ACTN1: variants seen among roughly 807,000 people sequenced by gnomAD.
The protein encoded by ACTN1 is alpha-actinin-1.
ACTN1 carries 30 observed loss-of-function variants against 119.6 expected under a neutral mutation model. The observed-to-expected ratio is 0.25, with a 90% confidence interval of 0.19 to 0.34. The LOEUF is 0.34. ACTN1 is among the 10% of genes least tolerant of loss of function. ACTN1 has a pLI of 1.00. For missense variants in ACTN1, 764 were observed against 1,223.4 expected, an observed-to-expected ratio of 0.62 and a Z score of 5.60; for synonymous variants, 429 against 472.6, an observed-to-expected ratio of 0.91 and a Z score of 1.20.
chr14:68,896,475 C>G (rs374085163), intron 8 of ACTN1, among the ~76,000 whole-genome samples: 1 of 152,162 alleles, frequency 6.6e-6, no homozygotes, highest in Non-Finnish European at 1.5e-5. Context: ...CAGGCCTTCC[C>G]CATCACCGCA....
Position 68,882,377 on chromosome 14 carries a change from A to C in ACTN1, c.1953+81T>G. ...AGTCCTCCATGGGTCCCACCCAGGG[A>C]GACAGGCAGCCTGGCTGGCTAGGAT... On this transcript the variant is annotated intron_variant, in intron 16 of 21. Transcript: ENST00000394419. This position sits in a 1 kb window ranked among gnomAD's most constrained non-coding sequence, Gnocchi z 4.5. 1 of 1,555,566 alleles carries C rather than the reference A, an allele frequency of 6.4e-7. No homozygotes were observed. Among genetic ancestry groups the C allele is most frequent in the African/African-American group, 1.4e-5 (1 of 73,010 alleles).
chr14:68,974,015 A>T (rs908389193), intron 1 of ACTN1: 11 of 152,284 alleles, frequency 7.2e-5, no homozygotes, highest in African/African-American at 2.4e-4. Flanking sequence ...TAGCAGAGAC[A>T]TGGGCCTACC....
chr14:68,907,683 C>A (rs1205978661), intron 6 of ACTN1, among the ~76,000 whole-genome samples: 2 of 152,224 alleles, frequency 1.3e-5, no homozygotes, highest in Non-Finnish European at 2.9e-5. Flanking sequence ...TGGGAGAGTG[C>A]TAACTGGGTA....
chr14:68,950,276 C>T (rs2036090317), intron 1 of ACTN1, among the ~76,000 whole-genome samples: 1 of 118,848 alleles, frequency 8.4e-6, no homozygotes, highest in South Asian at 2.7e-4. Context: ...GTCTGGGTGA[C>T]AGAGTGAGTT....
chr14:68,878,561 G>A lies in ACTN1; in HGVS notation c.2362-38C>T, dbSNP rs747105639. On this transcript the variant is annotated intron_variant, in intron 19 of 21. Transcript: ENST00000394419. This position sits in a 1 kb window ranked among gnomAD's most constrained non-coding sequence, Gnocchi z 4.4. ...GTGGTACCAAGACACAAGGAGGGTC[G>A]GGAAGGCAGGAAGAGGAAGGGCCGG... is the stretch of plus-strand genomic sequence containing the variant. 10 of 1,612,336 alleles carry A rather than the reference G, an allele frequency of 6.2e-6. No individual in the cohort carries two copies. In the South Asian group the frequency reaches 7.7e-5, roughly 12 times the overall value.
intron 2 of ACTN1, among the ~76,000 whole-genome samples, chr14:68,922,705 C>A (rs2034714719): frequency 1.3e-5 from 2 of 152,164 alleles, no homozygotes; most frequent in South Asian, 4.1e-4. Context: ...GCCAGTGGTT[C>A]TCAAACGTCA....
Position 68,925,458 on chromosome 14 carries a change from CAA to C in ACTN1, c.220+98_220+99del, listed in dbSNP as rs1393846400. ...CATACATGTCATCCCCAACTTGTTT[CAA>C]GAGACCAAAACCAGCTGCGCTCATA... On this transcript the variant is annotated intron_variant, in intron 2 of 21. Transcript: ENST00000394419. The surrounding 1 kb of genome is among the most constrained non-coding windows in gnomAD (Gnocchi z 4.3). 1.1e-6 allele frequency: 1 copy of C among 878,948 alleles called. No homozygotes were observed. The highest frequency in any genetic ancestry group is 3.2e-5 in the Admixed American group (1 of 31,118). The allele number at this position is 878,948 out of a possible 1,614,324, so 54.4% of individuals were successfully genotyped here. A position where few individuals can be genotyped will look rare whatever the true frequency, so the allele number is the denominator to read the frequency against.
rs2031498893 is a variant in ACTN1, at chr14:68,881,431, G to T, written c.1954-442C>A. ...CTTGCTCCTGCTGTTCCGCCTCCTGGGATGCCTGCCCTGGCCCACCTGAAT... is the reference window on the plus strand; with the variant it reads ...CTTGCTCCTGCTGTTCCGCCTCCTGTGATGCCTGCCCTGGCCCACCTGAAT... On this transcript the variant is annotated intron_variant, in intron 16 of 21. Coordinates refer to ENST00000394419, the MANE Select transcript of ACTN1 (RefSeq NM_001130004.2). Among the ~76,000 whole-genome samples the T allele has an allele frequency of 2.6e-5, 4 of 152,116 alleles. 1 individual carries two copies. Among genetic ancestry groups the T allele is most frequent in the African/African-American group, 7.2e-5 (3 of 41,412 alleles).
intron 1 of ACTN1, among the ~76,000 whole-genome samples, chr14:68,945,085 G>C (rs2035893877): frequency 6.7e-6 from 1 of 149,290 alleles, no homozygotes; most frequent in Non-Finnish European, 1.5e-5. Context: ...AGAATCGCTT[G>C]AACCCAGGAG....
At chr14:68,969,467 G>A (rs1594885091) in intron 1 of ACTN1, among the ~76,000 whole-genome samples, 1 of 152,190 alleles carries the variant, frequency 6.6e-6, no homozygotes, top group African/African-American at 2.4e-5. Flanking sequence ...ACAAAATATC[G>A]GGAACTCGAC....
chr14:68,920,962 C>A, intron 3 of ACTN1, 44 bp downstream of exon 3: 1 of 1,607,664 alleles, frequency 6.2e-7, no homozygotes, highest in South Asian at 1.1e-5. Flanking sequence ...ACCAGGGGGA[C>A]AAAGAAAATC....
At position 68,880,205 on chromosome 14, in the gene ACTN1, A is replaced by G; in HGVS notation, c.2134-97T>C. ...ACTCCCCAACCATCAAAATGGCCAA[A>G]GCCATCAAACTTGGCCTTCTGTGTG... On this transcript the variant is annotated intron_variant, in intron 17 of 21. Coordinates refer to ENST00000394419, the MANE Select transcript of ACTN1 (RefSeq NM_001130004.2). This position sits in a 1 kb window ranked among gnomAD's most constrained non-coding sequence, Gnocchi z 4.6. The G allele has an allele frequency of 1.3e-6, 2 of 1,482,682 alleles. No individual in the cohort carries two copies. The highest frequency in any genetic ancestry group is 1.8e-6 in the Non-Finnish European group (2 of 1,100,030). 91.8% of individuals were successfully genotyped at this position (1,482,682 alleles called of 1,614,324 possible). A position where few individuals can be genotyped will look rare whatever the true frequency, so the allele number is the denominator to read the frequency against.
intron 1 of ACTN1, among the ~76,000 whole-genome samples, chr14:68,943,766 T>A (rs896310851): frequency 7.9e-5 from 12 of 152,090 alleles, no homozygotes; most frequent in Non-Finnish European, 1.6e-4. Flanking sequence ...TCAACAATTC[T>A]AGGTTAAAGG....
At chr14:68,976,211 G>T (rs755801230) in intron 1 of ACTN1, among the ~76,000 whole-genome samples, 3 of 152,130 alleles carry the variant, frequency 2.0e-5, no homozygotes, top group Non-Finnish European at 2.9e-5. Flanking sequence ...TAAAAAGAGG[G>T]TCTTCTGCCT....
intron 1 of ACTN1, 23 bp downstream of exon 1, chr14:68,978,927 GCA>G (rs781623032): frequency 4.6e-5 from 68 of 1,492,986 alleles, no homozygotes; most frequent in Non-Finnish European, 5.6e-5. Flanking sequence ...GCTGGGGGCT[GCA>G]GCGGGCGGGG....
In ACTN1 at chr14:68,928,099, C is replaced by G. The variant is rs558619214; in HGVS notation, c.106-2427G>C. Among the ~76,000 whole-genome samples the G allele has an allele frequency of 7.9e-5, 12 of 152,316 alleles. No individual in the cohort carries two copies. The South Asian group carries it at 2.5e-3, about 32-fold the overall frequency. On this transcript the variant is annotated intron_variant, in intron 1 of 21. Coordinates refer to ENST00000394419, the MANE Select transcript of ACTN1 (RefSeq NM_001130004.2). Reference sequence around the variant, plus strand: ...CTGAAACATCCAGGGTCCTAGCAGGCACTGCCCTGAGCCCACCCGCCCAGC... The same window carrying G: ...CTGAAACATCCAGGGTCCTAGCAGGGACTGCCCTGAGCCCACCCGCCCAGC...
At position 68,911,381 on chromosome 14, in the gene ACTN1, C is replaced by T. The variant is rs116059493; in HGVS notation, c.427+775G>A. Among the ~76,000 whole-genome samples the T allele has an allele frequency of 9.8e-3, 1,499 of 152,322 alleles. 21 individuals carry two copies. Among genetic ancestry groups the T allele is most frequent in the African/African-American group, 0.034 (1,418 of 41,560 alleles). ...CACCCCAGGTGACTACTATGACCCT[C>T]TTTCCAACCACTTCAACCCTAAATA... On this transcript the variant is annotated intron_variant, in intron 4 of 21. Coordinates refer to ENST00000394419, the MANE Select transcript of ACTN1 (RefSeq NM_001130004.2).
chr14:68,925,239 G>T lies in ACTN1; in HGVS notation c.220+319C>A, dbSNP rs748882214. On this transcript the variant is annotated intron_variant, in intron 2 of 21. Coordinates refer to ENST00000394419, the MANE Select transcript of ACTN1 (RefSeq NM_001130004.2). The surrounding 1 kb of genome is among the most constrained non-coding windows in gnomAD (Gnocchi z 4.3). ...AGTAGTAATGGAGCCAAGATTTGGAGACAGTCACCCATGGTTAACATTCTT... is the reference window on the plus strand; with the variant it reads ...AGTAGTAATGGAGCCAAGATTTGGATACAGTCACCCATGGTTAACATTCTT... Among the ~76,000 whole-genome samples the T allele has an allele frequency of 1.6e-4, 24 of 151,644 alleles. No homozygotes were observed. Among genetic ancestry groups the T allele is most frequent in the Non-Finnish European group, 2.8e-4 (19 of 67,964 alleles).
At chr14:68,900,671 G>A (rs551007877) in intron 8 of ACTN1, among the ~76,000 whole-genome samples, 2 of 152,252 alleles carry the variant, frequency 1.3e-5, no homozygotes, top group South Asian at 2.1e-4. Context: ...GACACAGGAG[G>A]TCATTCAGAG....
Sources: allele counts gnomAD v4.1 joint callset (sites outside exome capture counted in the v4.1 genomes callset), GRCh38; gene constraint gnomAD v4.1.1; non-coding constraint Gnocchi (gnomAD v3.1); transcripts MANE v1.5; gene names NCBI Gene and HGNC (gene_info 2026-07-23, HGNC 2026-07-21).